PLCG2: variants seen among roughly 807,000 people sequenced by gnomAD.
PLCG2 encodes the protein 1-phosphatidylinositol 4,5-bisphosphate phosphodiesterase gamma-2.
Under a neutral mutation model 175.6 loss-of-function variants are expected in PLCG2, and 69 were observed. That is an observed-to-expected ratio of 0.39 (90% CI 0.32 to 0.48). The LOEUF (loss-of-function observed/expected upper bound fraction) is 0.48, where lower values mean the gene tolerates loss of function less well. PLCG2 is among the 20% of genes least tolerant of loss of function. The pLI, the probability that PLCG2 is intolerant of heterozygous loss-of-function variation, is 0.91. For synonymous variants in PLCG2, 827 were observed against 624.0 expected, an observed-to-expected ratio of 1.33 and a Z score of -4.85; for missense variants, 1,798 against 1,650.9, an observed-to-expected ratio of 1.09 and a Z score of -1.54.
intron 14 of PLCG2, among the ~76,000 whole-genome samples, chr16:81,901,629 T>G (rs1000182797): frequency 2.0e-5 from 3 of 152,228 alleles, no homozygotes; most frequent in Admixed American, 2.0e-4. Context: ...TACATAAAAC[T>G]TAATACTTCC....
chr16:81,844,341 G>C (rs759739850), intron 2 of PLCG2, among the ~76,000 whole-genome samples: 26 of 147,010 alleles, frequency 1.8e-4, no homozygotes, highest in Non-Finnish European at 1.5e-4. Flanking sequence ...TTCGGATGGA[G>C]TTTCACTCTT....
At chr16:81,800,154 C>G (rs1597325425) in intron 2 of PLCG2, among the ~76,000 whole-genome samples, 1 of 152,106 alleles carries the variant, frequency 6.6e-6, no homozygotes, top group Admixed American at 6.6e-5. Flanking sequence ...TATCATAGTA[C>G]CTGGCAAATA....
At chr16:81,842,189 A>G (rs915035143) in intron 2 of PLCG2, among the ~76,000 whole-genome samples, 3 of 152,172 alleles carry the variant, frequency 2.0e-5, no homozygotes, top group Admixed American at 1.3e-4. Flanking sequence ...AGAACTCCCT[A>G]CAAAGGGAGG....
At chr16:81,917,232 T>C (rs1189336738) in intron 19 of PLCG2, among the ~76,000 whole-genome samples, 1 of 149,760 alleles carries the variant, frequency 6.7e-6, no homozygotes, top group African/African-American at 2.5e-5. Context: ...CTTTCCTTTT[T>C]TTTTTTTTTT....
chr16:81,848,222 G>T (rs761438603), intron 2 of PLCG2, among the ~76,000 whole-genome samples: 3 of 152,206 alleles, frequency 2.0e-5, no homozygotes, highest in Non-Finnish European at 2.9e-5. Context: ...AGGCCACTCA[G>T]TGGAGAAAGG....
At chr16:81,834,312 G>A (rs1331616751) in intron 2 of PLCG2, among the ~76,000 whole-genome samples, 1 of 152,106 alleles carries the variant, frequency 6.6e-6, no homozygotes, top group Non-Finnish European at 1.5e-5. Flanking sequence ...ACTTGACCTC[G>A]GAGGGCTCGG....
chr16:81,866,608 T>G lies in PLCG2; in HGVS notation c.480-2606T>G, dbSNP rs7188577. On this transcript the variant is annotated intron_variant, in intron 5 of 32. Coordinates refer to ENST00000564138, the MANE Select transcript of PLCG2 (RefSeq NM_002661.5). ...CCCAAGATGAGCTCCACTGGGGCAC[T>G]AGCATGAGAGGATGCTGGCCTCTCC... 7.9e-5 allele frequency among the ~76,000 whole-genome samples: 4 copies of G among 50,870 alleles called. 1 individual carries two copies. The East Asian group carries it at 2.9e-3, about 37-fold the overall frequency. The allele number at this position is 50,870 out of a possible 152,430, so 33.4% of individuals were successfully genotyped here. A position where few individuals can be genotyped will look rare whatever the true frequency, so the allele number is the denominator to read the frequency against.
intron 12 of PLCG2, among the ~76,000 whole-genome samples, chr16:81,894,806 G>A (rs1025726064): frequency 6.6e-6 from 1 of 152,064 alleles, no homozygotes; most frequent in African/African-American, 2.4e-5. Flanking sequence ...CTGGGAGGCA[G>A]AGGTTGCAGT....
intron 13 of PLCG2, among the ~76,000 whole-genome samples, chr16:81,900,233 G>C (rs909645104): frequency 2.0e-5 from 3 of 152,194 alleles, no homozygotes; most frequent in African/African-American, 7.2e-5. Context: ...GTCCCTGTTG[G>C]TGACCCTGGG....
At chr16:81,797,483 C>A (rs1439692449) in intron 2 of PLCG2, among the ~76,000 whole-genome samples, 1 of 152,200 alleles carries the variant, frequency 6.6e-6, no homozygotes, top group Non-Finnish European at 1.5e-5. Flanking sequence ...GGGGCCAGGC[C>A]TTCGGTAGTC....
intron 3 of PLCG2, chr16:81,857,986 A>C: frequency 2.3e-6 from 1 of 433,164 alleles, no homozygotes; most frequent in Non-Finnish European, 4.2e-6. Flanking sequence ...AGTTCCCACC[A>C]CTCCCTCCAT....
At chr16:81,809,774 G>A (rs1033183144) in intron 2 of PLCG2, among the ~76,000 whole-genome samples, 1 of 139,370 alleles carries the variant, frequency 7.2e-6, no homozygotes, top group Non-Finnish European at 1.5e-5. Flanking sequence ...TCTAGAGGGA[G>A]TGTCTGATGT....
chr16:81,824,541 T>C (rs557186736), intron 2 of PLCG2, among the ~76,000 whole-genome samples: 85 of 152,272 alleles, frequency 5.6e-4, no homozygotes, highest in South Asian at 2.7e-3. Context: ...CACTTTTCGT[T>C]GGGATCATGT....
At chr16:81,799,396 A>G (rs1245984394) in intron 2 of PLCG2, among the ~76,000 whole-genome samples, 1 of 152,200 alleles carries the variant, frequency 6.6e-6, no homozygotes, top group African/African-American at 2.4e-5. Context: ...TGACCATGTT[A>G]GTATTATTAA....
At chr16:81,771,971 CG>C (rs1231278616) in intron 2 of PLCG2, among the ~76,000 whole-genome samples, 2 of 151,984 alleles carry the variant, frequency 1.3e-5, no homozygotes, top group African/African-American at 4.8e-5. Flanking sequence ...TTAGTAGAGA[CG>C]GGGTTTCACC....
At position 81,802,093 on chromosome 16, in the gene PLCG2, C is replaced by CTTTTTTTTTTTTTTTTTTTT. The variant is rs1157731599; in HGVS notation, c.193+15930_193+15949dup. On this transcript the variant is annotated intron_variant, in intron 2 of 32. Coordinates refer to ENST00000564138, the MANE Select transcript of PLCG2 (RefSeq NM_002661.5). ...GTTAGCTCCTTCAGGTGAGTACAGT[C>CTTTTTTTTTTTTTTTTTTTT]TTTTTTTTTTTTTTTTTTTTTTTTT... 8.7e-4 allele frequency among the ~76,000 whole-genome samples: 35 copies of CTTTTTTTTTTTTTTTTTTTT among 40,016 alleles called. 13 individuals carry two copies. Among genetic ancestry groups the CTTTTTTTTTTTTTTTTTTTT allele is most frequent in the South Asian group, 1.6e-3 (1 of 638 alleles). The allele number at this position is 40,016 out of a possible 152,430, so 26.3% of individuals were successfully genotyped here. A position where few individuals can be genotyped will look rare whatever the true frequency, so the allele number is the denominator to read the frequency against.
rs185227129 is a variant in PLCG2, at chr16:81,901,517, T to C, written c.1362+737T>C. ...TCTAGCATCTCTCAGGGCAGCAGTT[T>C]TCAACTGGGGTTTCACAGACCCCCG... On this transcript the variant is annotated intron_variant, in intron 14 of 32. Coordinates refer to ENST00000564138, the MANE Select transcript of PLCG2 (RefSeq NM_002661.5). Among the ~76,000 whole-genome samples the C allele has an allele frequency of 1.1e-4, 16 of 152,316 alleles. No homozygotes were observed. The East Asian group carries it at 2.5e-3, about 24-fold the overall frequency.
At chr16:81,754,284 TCCCCACCTCCTTCCCTCGCCTC>T (rs1198880465) in intron 1 of PLCG2, among the ~76,000 whole-genome samples, 1 of 28,720 alleles carries the variant, frequency 3.5e-5, no homozygotes, top group Non-Finnish European at 6.8e-5. Context: ...TTCCCTCCCC[TCCCCACCTCCTTCCCTCGCCTC>T]CCCCACCTCC....
intron 1 of PLCG2, among the ~76,000 whole-genome samples, chr16:81,753,727 G>T (rs540978638): frequency 4.6e-5 from 7 of 152,312 alleles, no homozygotes; most frequent in Admixed American, 4.6e-4. Flanking sequence ...TTTTGGGAGG[G>T]GATGAGGGAA....
Sources: gnomAD v4.1 joint callset for allele counts (sites outside exome capture counted in the v4.1 genomes callset) on GRCh38, gnomAD v4.1.1 for gene constraint, MANE v1.5 for transcripts, NCBI Gene and HGNC (gene_info 2026-07-23, HGNC 2026-07-21) for gene names.